ZFHX3: variants seen among roughly 807,000 people sequenced by gnomAD.
ZFHX3 encodes zinc finger homeobox protein 3.
Under a neutral mutation model 279.1 loss-of-function variants are expected in ZFHX3, and 42 were observed. The ratio of observed to expected loss-of-function variants is 0.15; its 90% confidence interval spans 0.12 to 0.19. The LOEUF is 0.19. ZFHX3 is among the 10% of genes least tolerant of loss of function. The probability of loss-of-function intolerance (pLI) is 1.00; values close to 1 mark genes in which losing one functional copy is unlikely to be tolerated. For missense variants in ZFHX3, 4,981 were observed against 4,754.0 expected, an observed-to-expected ratio of 1.05 and a Z score of -1.40; for synonymous variants, 2,293 against 1,957.8, an observed-to-expected ratio of 1.17 and a Z score of -4.52.
chr16:73,339,077 C>T (rs548864863), intron 3 of ZFHX3, among the ~76,000 whole-genome samples: 1 of 152,146 alleles, frequency 6.6e-6, no homozygotes, highest in South Asian at 2.1e-4. Flanking sequence ...GCCAATTAAA[C>T]TTCTTTTCTT....
chr16:73,039,085 A>T (rs1464986055), intron 1 of ZFHX3, among the ~76,000 whole-genome samples: 6 of 151,198 alleles, frequency 4.0e-5, no homozygotes, highest in African/African-American at 1.5e-4. Context: ...AGTGGCTGGG[A>T]CTACAGGCAC....
intron 1 of ZFHX3, among the ~76,000 whole-genome samples, chr16:73,776,217 CGA>C (rs1346645386): frequency 2.6e-5 from 4 of 152,172 alleles, no homozygotes; most frequent in African/African-American, 7.2e-5. Context: ...GGGGAGAAGG[CGA>C]CTTTCTTTGC....
intron 8 of ZFHX3, among the ~76,000 whole-genome samples, chr16:73,070,881 C>A (rs1292330166): frequency 6.7e-6 from 1 of 149,830 alleles, no homozygotes; most frequent in Admixed American, 6.6e-5. Flanking sequence ...CCTTTGTTTT[C>A]TTTTCCCCTT....
chr16:73,756,149 A>C (rs1429521706), intron 1 of ZFHX3, among the ~76,000 whole-genome samples: 1 of 152,230 alleles, frequency 6.6e-6, no homozygotes, highest in African/African-American at 2.4e-5. Context: ...GGAAGAAAAC[A>C]GAAGACCAGG....
chr16:73,550,193 A>T (rs184752667), intron 2 of ZFHX3, among the ~76,000 whole-genome samples: 1 of 152,164 alleles, frequency 6.6e-6, no homozygotes, highest in East Asian at 1.9e-4. Context: ...AGCTGTATTG[A>T]GTCATGACCC....
intron 3 of ZFHX3, among the ~76,000 whole-genome samples, chr16:73,373,309 T>G (rs2016664739): frequency 6.6e-6 from 1 of 152,182 alleles, no homozygotes; most frequent in African/African-American, 2.4e-5. Context: ...GTCAGGAATT[T>G]TGGGTGAGAT....
chr16:73,161,996 C>G (rs189939678), intron 5 of ZFHX3, among the ~76,000 whole-genome samples: 82 of 152,314 alleles, frequency 5.4e-4, no homozygotes, highest in Admixed American at 3.0e-3. Context: ...TATAATGATA[C>G]AAGCTACAGG....
At chr16:72,925,409 C>T (rs550848872) in intron 3 of ZFHX3, among the ~76,000 whole-genome samples, 1 of 152,330 alleles carries the variant, frequency 6.6e-6, no homozygotes, top group African/African-American at 2.4e-5. Context: ...CTGGAAAGGG[C>T]AAGAGAATTC....
chr16:73,518,307 T>G (rs986690392), intron 2 of ZFHX3, among the ~76,000 whole-genome samples: 1 of 152,258 alleles, frequency 6.6e-6, no homozygotes, highest in Admixed American at 6.5e-5. Context: ...TATTTTTTCA[T>G]GTAGCTAGGT....
chr16:73,123,286 G>C (rs564836083), intron 7 of ZFHX3: 1 of 147,788 alleles, frequency 6.8e-6, no homozygotes, highest in African/African-American at 2.5e-5. Context: ...CCTTGAATCT[G>C]GGTTATACTA....
At chr16:73,682,924 G>GAGAAAGAAAGAA (rs764517017) in intron 1 of ZFHX3, among the ~76,000 whole-genome samples, 3 of 43,498 alleles carry the variant, frequency 6.9e-5, no homozygotes, top group South Asian at 1.9e-3. Context: ...AAGAGAGAAA[G>GAGAAAGAAAGAA]AGAAAGAAAG....
At chr16:73,836,499 T>C (rs922366693) in intron 1 of ZFHX3, among the ~76,000 whole-genome samples, 3 of 152,172 alleles carry the variant, frequency 2.0e-5, no homozygotes, top group African/African-American at 7.2e-5. Flanking sequence ...AGAATAACAA[T>C]CCTCAAATGT....
intron 8 of ZFHX3, among the ~76,000 whole-genome samples, chr16:73,087,153 T>C (rs1206768052): frequency 6.6e-6 from 1 of 152,180 alleles, no homozygotes; most frequent in Non-Finnish European, 1.5e-5. Context: ...AAAAGTATAA[T>C]GAATACTGCC....
At chr16:73,459,832 GCT>G (rs144947255) in intron 2 of ZFHX3, among the ~76,000 whole-genome samples, 1,999 of 152,190 alleles carry the variant, frequency 0.013, 38 homozygotes, top group African/African-American at 0.046. Flanking sequence ...AACCATCAGA[GCT>G]CCTGAGAACT....
intron 2 of ZFHX3, among the ~76,000 whole-genome samples, chr16:72,953,098 G>C (rs966361367): frequency 2.0e-5 from 3 of 152,192 alleles, no homozygotes; most frequent in African/African-American, 4.8e-5. Flanking sequence ...GATAAGATCA[G>C]TACAGGTTCT....
At chr16:73,790,448 G>A (rs1378105617) in intron 1 of ZFHX3, among the ~76,000 whole-genome samples, 1 of 152,302 alleles carries the variant, frequency 6.6e-6, no homozygotes, top group East Asian at 1.9e-4. Context: ...TGTAAAATGT[G>A]AAAAGGTGGA....
At chr16:73,854,678 T>C (rs536001279) in intron 1 of ZFHX3, among the ~76,000 whole-genome samples, 1 of 135,764 alleles carries the variant, frequency 7.4e-6, no homozygotes, top group Non-Finnish European at 1.5e-5. Context: ...AAATACTAAG[T>C]CTGCTTGCTG....
At chr16:73,883,485 A>G (rs900190114) in intron 1 of ZFHX3, among the ~76,000 whole-genome samples, 9 of 152,082 alleles carry the variant, frequency 5.9e-5, no homozygotes, top group African/African-American at 2.2e-4. Context: ...ACACACACGC[A>G]CAATGCAACC....
chr16:73,597,551 T>C (rs1371432112), intron 2 of ZFHX3, among the ~76,000 whole-genome samples: 4 of 152,114 alleles, frequency 2.6e-5, no homozygotes, highest in Admixed American at 6.5e-5. Context: ...TGGCCCTAGA[T>C]ACAATGACTG....
Sources: allele counts gnomAD v4.1 joint callset (sites outside exome capture counted in the v4.1 genomes callset), GRCh38; gene constraint gnomAD v4.1.1; transcripts MANE v1.5; gene names NCBI Gene and HGNC (gene_info 2026-07-23, HGNC 2026-07-21).